Variants in PPP3R2 observed in about 807,000 individuals in gnomAD.
PPP3R2 encodes the protein protein phosphatase 3 regulatory subunit B, beta.
For missense variants in PPP3R2, 225 were observed against 217.4 expected (o/e 1.03, Z -0.22); for synonymous variants, 91 against 91.5 (o/e 0.99, Z 0.03).
At position 101,592,564 on chromosome 9, in the gene PPP3R2, G is replaced by A. The variant is rs1828045419; in HGVS notation, c.*1845C>T. On this transcript the variant is annotated 3_prime_UTR_variant, in exon 1 of 1. Transcript: ENST00000374806. ...ACTGAATCCAAACCCAGGTGTGTCT[G>A]AATCTTTGAACATTACATAACCCTG... 6.6e-6 allele frequency: 1 copy of A among 152,176 alleles called. No individual in the cohort carries two copies. Among genetic ancestry groups the A allele is most frequent in the African/African-American group, 2.4e-5 (1 of 41,438 alleles). 9.4% of individuals were successfully genotyped at this position (152,176 alleles called of 1,614,324 possible). A position where few individuals can be genotyped will look rare whatever the true frequency, so the allele number is the denominator to read the frequency against.
Position 101,592,839 on chromosome 9 carries a change from T to A in PPP3R2, c.*1570A>T, listed in dbSNP as rs964583402. The A allele has an allele frequency of 2.0e-5, 3 of 152,094 alleles. No individual in the cohort carries two copies. The highest frequency in any genetic ancestry group is 7.2e-5 in the African/African-American group (3 of 41,404). 9.4% of individuals were successfully genotyped at this position (152,094 alleles called of 1,614,324 possible). A position where few individuals can be genotyped will look rare whatever the true frequency, so the allele number is the denominator to read the frequency against. On this transcript the variant is annotated 3_prime_UTR_variant, in exon 1 of 1. Coordinates refer to ENST00000374806, the MANE Select transcript of PPP3R2 (RefSeq NM_147180.4). ...GCAGTAAATCTCCTTGAAACAGATC[T>A]TCCATGTCCTGAAAAAAGTTACCTG...
In PPP3R2 at chr9:101,593,040, G is replaced by GAGA. The variant is rs1407767925; in HGVS notation, c.*1366_*1368dup. 1 of 152,224 alleles carries GAGA rather than the reference G, an allele frequency of 6.6e-6. No homozygotes were observed. Among genetic ancestry groups the GAGA allele is most frequent in the African/African-American group, 2.4e-5 (1 of 41,444 alleles). The allele number at this position is 152,224 out of a possible 1,614,324, so 9.4% of individuals were successfully genotyped here. On this transcript the variant is annotated 3_prime_UTR_variant, in exon 1 of 1. Transcript: ENST00000374806. ...CTCTTCTGAGGACAGTTCATGCTCTGAGAACTCACAATAGTATGTGGGACA... is the reference window on the plus strand; with the variant it reads ...CTCTTCTGAGGACAGTTCATGCTCTGAGAAGAACTCACAATAGTATGTGGGACA...
chr9:101,592,754 C>CTTTTTTTTTTTTTTTTTT lies in PPP3R2; in HGVS notation c.*1654_*1655insAAAAAAAAAAAAAAAAAA. On this transcript the variant is annotated 3_prime_UTR_variant, in exon 1 of 1. Transcript: ENST00000374806. The stretch of plus-strand genomic sequence containing the variant: ...CCCTACAAGTGATTAAATTTGTGGA[C>CTTTTTTTTTTTTTTTTTT]TTTTTTTTTTTTTTTCTATTTTGGT... 1 of 143,180 alleles carries CTTTTTTTTTTTTTTTTTT rather than the reference C, an allele frequency of 7.0e-6. No homozygotes were observed. Among genetic ancestry groups the CTTTTTTTTTTTTTTTTTT allele is most frequent in the Non-Finnish European group, 1.5e-5 (1 of 65,124 alleles). The allele number at this position is 143,180 out of a possible 1,614,324, so 8.9% of individuals were successfully genotyped here. A position where few individuals can be genotyped will look rare whatever the true frequency, so the allele number is the denominator to read the frequency against.
In PPP3R2 at chr9:101,592,007, C is replaced by G. The variant is rs1000079271; in HGVS notation, c.*2402G>C. On this transcript the variant is annotated 3_prime_UTR_variant, in exon 1 of 1. Coordinates refer to ENST00000374806, the MANE Select transcript of PPP3R2 (RefSeq NM_147180.4). ...TGCAGGGTGTATAAATAATGCCTCT[C>G]TTTAATGACAATAATGTCCTCTTGG... is the stretch of plus-strand genomic sequence containing the variant. 6.6e-6 allele frequency: 1 copy of G among 152,204 alleles called. No homozygotes were observed. The highest frequency in any genetic ancestry group is 1.5e-5 in the Non-Finnish European group (1 of 68,032). 9.4% of individuals were successfully genotyped at this position (152,204 alleles called of 1,614,324 possible). A position where few individuals can be genotyped will look rare whatever the true frequency, so the allele number is the denominator to read the frequency against.
chr9:101,594,504 G>A lies in PPP3R2; in HGVS notation c.418C>T (p.Leu140=), dbSNP rs1828082490. ...QQLVDKTIII[L]DKDGDGKISF... ...ATCTTCCCATCGCCATCCTTGTCCA[G>A]GATGATGATGGTTTTGTCGACCAGC... is the stretch of plus-strand genomic sequence containing the variant. The change falls in exon 1 of 1, where the codon CTG becomes TTG. Residue 140 remains leucine, a synonymous_variant. Transcript: ENST00000374806. 1 of 1,614,164 alleles carries A rather than the reference G, an allele frequency of 6.2e-7. No individual in the cohort carries two copies. The highest frequency in any genetic ancestry group is 8.5e-7 in the Non-Finnish European group (1 of 1,180,036).
rs1268179375 is a variant in PPP3R2 at position 101,593,161 on chromosome 9, T to C, written c.*1248A>G. The C allele has an allele frequency of 6.6e-6, 1 of 152,232 alleles. No individual in the cohort carries two copies. The allele number at this position is 152,232 out of a possible 1,614,324, so 9.4% of individuals were successfully genotyped here. A position where few individuals can be genotyped will look rare whatever the true frequency, so the allele number is the denominator to read the frequency against. Reference sequence around the variant, plus strand: ...AAACAAAAACAACTAAAAGCTTTTGTTCTTTTCTCACCATGGCTGATCTAA... The same window carrying C: ...AAACAAAAACAACTAAAAGCTTTTGCTCTTTTCTCACCATGGCTGATCTAA... On this transcript the variant is annotated 3_prime_UTR_variant, in exon 1 of 1. Transcript: ENST00000374806.
rs1254045172 is a variant in PPP3R2, at chr9:101,594,485, C to T, written c.437G>A (p.Gly146Glu). ...ACTGAATTCCTCAAAGGATATCTTCCCATCGCCATCCTTGTCCAGGATGAT... is the reference window on the plus strand; with the variant it reads ...ACTGAATTCCTCAAAGGATATCTTCTCATCGCCATCCTTGTCCAGGATGAT... Reference protein sequence around the residue: ...TIIILDKDGDGKISFEEFSAV... With the variant: ...TIIILDKDGDEKISFEEFSAV... Residue 146 changes from glycine (G) to glutamate (E), a missense_variant, in exon 1 of 1, where the codon GGG (glycine) becomes GAG (glutamate). Physicochemically the swap from Gly to Glu is moderately conservative, Grantham distance 98. Coordinates refer to ENST00000374806, the MANE Select transcript of PPP3R2 (RefSeq NM_147180.4). 3 of 1,614,156 alleles carry T rather than the reference C, an allele frequency of 1.9e-6. No individual in the cohort carries two copies. Among genetic ancestry groups the T allele is most frequent in the South Asian group, 1.1e-5 (1 of 91,086 alleles).
chr9:101,592,808 A>T lies in PPP3R2; in HGVS notation c.*1601T>A, dbSNP rs1828050906. On this transcript the variant is annotated 3_prime_UTR_variant, in exon 1 of 1. Coordinates refer to ENST00000374806, the MANE Select transcript of PPP3R2 (RefSeq NM_147180.4). ...GACCAGTTGCCAGCTTCTTCCAAAT[A>T]AAATAGCAGTAAATCTCCTTGAAAC... 6.6e-6 allele frequency: 1 copy of T among 151,918 alleles called. No homozygotes were observed. Among genetic ancestry groups the T allele is most frequent in the Non-Finnish European group, 1.5e-5 (1 of 67,998 alleles). 9.4% of individuals were successfully genotyped at this position (151,918 alleles called of 1,614,324 possible).
rs1828096392 is a variant in PPP3R2, at chr9:101,594,904, A to C, written c.18T>G (p.Ser6Arg). Residue 6 changes from serine to arginine, a missense_variant, in exon 1 of 1, where the codon AGT becomes AGG. Transcript: ENST00000374806. ...AGTGGGAGCACATCTCCGCCGGGTA[A>C]CTGGCCTCGTTTCCCATTGTGGACA... MGNEA[S>R]YPAEMCSHFD... The C allele has an allele frequency of 6.3e-7, 1 of 1,599,520 alleles. No individual in the cohort carries two copies. Among genetic ancestry groups the C allele is most frequent in the African/African-American group, 1.3e-5 (1 of 74,892 alleles).
rs1828051374 is a variant in PPP3R2, at chr9:101,592,834, A to C, written c.*1575T>G. 6.6e-6 allele frequency: 1 copy of C among 151,966 alleles called. No homozygotes were observed. Among genetic ancestry groups the C allele is most frequent in the Admixed American group, 6.6e-5 (1 of 15,254 alleles). The allele number at this position is 151,966 out of a possible 1,614,324, so 9.4% of individuals were successfully genotyped here. A position where few individuals can be genotyped will look rare whatever the true frequency, so the allele number is the denominator to read the frequency against. ...AAATAGCAGTAAATCTCCTTGAAACAGATCTTCCATGTCCTGAAAAAAGTT... is the reference window on the plus strand; with the variant it reads ...AAATAGCAGTAAATCTCCTTGAAACCGATCTTCCATGTCCTGAAAAAAGTT... On this transcript the variant is annotated 3_prime_UTR_variant, in exon 1 of 1. Transcript: ENST00000374806.
Position 101,594,399 on chromosome 9 carries a change from A to G in PPP3R2, c.*10T>C. 1.9e-6 allele frequency: 3 copies of G among 1,579,606 alleles called. No individual in the cohort carries two copies. The highest frequency in any genetic ancestry group is 2.6e-6 in the Non-Finnish European group (3 of 1,160,714). The stretch of plus-strand genomic sequence containing the variant: ...CAGAAGTTGTTGGGTGGTGCTTGTA[A>G]GAAAAAGGCTCATACGATGAGGACC... On this transcript the variant is annotated 3_prime_UTR_variant, in exon 1 of 1. Transcript: ENST00000374806.
At position 101,594,503 on chromosome 9, in the gene PPP3R2, A is replaced by G; in HGVS notation, c.419T>C (p.Leu140Pro). ...TATCTTCCCATCGCCATCCTTGTCC[A>G]GGATGATGATGGTTTTGTCGACCAG... Reference protein sequence around the residue: ...QQLVDKTIIILDKDGDGKISF... With the variant: ...QQLVDKTIIIPDKDGDGKISF... The change falls in exon 1 of 1, where the codon CTG becomes CCG. Residue 140 changes from leucine (L) to proline (P), a missense_variant. Coordinates refer to ENST00000374806, the MANE Select transcript of PPP3R2 (RefSeq NM_147180.4). 1 of 1,614,188 alleles carries G rather than the reference A, an allele frequency of 6.2e-7. No individual in the cohort carries two copies. The highest frequency in any genetic ancestry group is 8.5e-7 in the Non-Finnish European group (1 of 1,180,030).
At position 101,593,584 on chromosome 9, in the gene PPP3R2, C is replaced by T. The variant is rs62575856; in HGVS notation, c.*825G>A. 2,977 of 152,264 alleles carry T rather than the reference C, an allele frequency of 0.02. 48 individuals carry two copies. The highest frequency in any genetic ancestry group is 0.033 in the South Asian group (158 of 4,824). The allele number at this position is 152,264 out of a possible 1,614,324, so 9.4% of individuals were successfully genotyped here. A position where few individuals can be genotyped will look rare whatever the true frequency, so the allele number is the denominator to read the frequency against. Reference sequence around the variant, plus strand: ...TCCACCTGGGGGTAGGGACCAGTGTCGGAGGTGAGAGCACTTTCTGGGAGA... The same window carrying T: ...TCCACCTGGGGGTAGGGACCAGTGTTGGAGGTGAGAGCACTTTCTGGGAGA... On this transcript the variant is annotated 3_prime_UTR_variant, in exon 1 of 1. Transcript: ENST00000374806.
rs1229506427 is a variant in PPP3R2, at chr9:101,593,108, T to C, written c.*1301A>G. 2.0e-5 allele frequency: 3 copies of C among 152,214 alleles called. No individual in the cohort carries two copies. Among genetic ancestry groups the C allele is most frequent in the Non-Finnish European group, 1.5e-5 (1 of 68,072 alleles). 9.4% of individuals were successfully genotyped at this position (152,214 alleles called of 1,614,324 possible). On this transcript the variant is annotated 3_prime_UTR_variant, in exon 1 of 1. Coordinates refer to ENST00000374806, the MANE Select transcript of PPP3R2 (RefSeq NM_147180.4). ...CATTTGGGGTACAGGCAGTGATGTA[T>C]TTACTGGTAAACAAATTCTCCAAAA...
chr9:101,594,767 T>G lies in PPP3R2; in HGVS notation c.155A>C (p.Asn52Thr), dbSNP rs751936797. Residue 52 changes from asparagine (N) to threonine (T), a missense_variant, in exon 1 of 1, where the codon AAC becomes ACC. Coordinates refer to ENST00000374806, the MANE Select transcript of PPP3R2 (RefSeq NM_147180.4). ...GTCGATCACTCGCCGCACCAACGGG[T>G]TGTGGCGCAGCTCCGGCAGGGACAT... The part of the protein sequence containing the change: ...EFMSLPELRH[N>T]PLVRRVIDVF... 1.6e-4 allele frequency: 266 copies of G among 1,613,716 alleles called. No homozygotes were observed. The highest frequency in any genetic ancestry group is 2.1e-4 in the Non-Finnish European group (250 of 1,180,020).
chr9:101,594,717 C>T lies in PPP3R2; in HGVS notation c.205G>A (p.Glu69Lys). 6.2e-7 allele frequency: 1 copy of T among 1,613,916 alleles called. No homozygotes were observed. Among genetic ancestry groups the T allele is most frequent in the Non-Finnish European group, 8.5e-7 (1 of 1,179,736 alleles). The change falls in exon 1 of 1, where the codon GAA (glutamate) becomes AAA (lysine). Residue 69 changes from glutamate (E) to lysine (K), a missense_variant. Coordinates refer to ENST00000374806, the MANE Select transcript of PPP3R2 (RefSeq NM_147180.4). ...IDVFDTDGDG[E>K]VDFKEFILGT... ...AGGATGAATTCCTTGAAGTCCACTT[C>T]TCCATCACCGTCGGTGTCGAAGACG...
At position 101,591,767 on chromosome 9, in the gene PPP3R2, G is replaced by A. The variant is rs1828029711; in HGVS notation, c.*2642C>T. On this transcript the variant is annotated 3_prime_UTR_variant, in exon 1 of 1. Transcript: ENST00000374806. ...CCAAATATCCAGTTAGATCTTTCAAGTGCTAAATCCAGATACAGGCTCTCA... is the reference window on the plus strand; with the variant it reads ...CCAAATATCCAGTTAGATCTTTCAAATGCTAAATCCAGATACAGGCTCTCA... 1 of 152,196 alleles carries A rather than the reference G, an allele frequency of 6.6e-6. No homozygotes were observed. The highest frequency in any genetic ancestry group is 2.4e-5 in the African/African-American group (1 of 41,442). The allele number at this position is 152,196 out of a possible 1,614,324, so 9.4% of individuals were successfully genotyped here. A position where few individuals can be genotyped will look rare whatever the true frequency, so the allele number is the denominator to read the frequency against.
At position 101,594,383 on chromosome 9, in the gene PPP3R2, T is replaced by C. The variant is rs369451642; in HGVS notation, c.*26A>G. The C allele has an allele frequency of 1.3e-5, 20 of 1,561,500 alleles. No individual in the cohort carries two copies. In the Admixed American group the frequency reaches 1.7e-4, roughly 13 times the overall value. ...GAGATAGGGAAGAAAGCAGAAGTTG[T>C]TGGGTGGTGCTTGTAAGAAAAAGGC... On this transcript the variant is annotated 3_prime_UTR_variant, in exon 1 of 1. Transcript: ENST00000374806.
Position 101,594,287 on chromosome 9 carries a change from A to G in PPP3R2, c.*122T>C. On this transcript the variant is annotated 3_prime_UTR_variant, in exon 1 of 1. Transcript: ENST00000374806. ...GGTGATGAAGCTCCTGTTAGGACAT[A>G]TGGCTTCACAAAAAGAAATACTTCC... 1 of 1,279,564 alleles carries G rather than the reference A, an allele frequency of 7.8e-7. No individual in the cohort carries two copies. The highest frequency in any genetic ancestry group is 1.1e-6 in the Non-Finnish European group (1 of 936,352). 79.3% of individuals were successfully genotyped at this position (1,279,564 alleles called of 1,614,324 possible).
Sources: allele counts gnomAD v4.1 joint callset, GRCh38; gene constraint gnomAD v4.1.1; transcripts MANE v1.5; gene names NCBI Gene and HGNC (gene_info 2026-07-23, HGNC 2026-07-21).